GPC5: variants seen among roughly 807,000 people sequenced by gnomAD.
The protein encoded by GPC5 is glypican-5.
Under a neutral mutation model 53.9 loss-of-function variants are expected in GPC5, and 47 were observed. The ratio of observed to expected loss-of-function variants is 0.87; its 90% CI spans 0.69 to 1.11. The LOEUF is 1.11. Among genes scored for constraint, GPC5 ranks in the 50% most tolerant of loss-of-function variants. The probability of loss-of-function intolerance (pLI) is 0.00; values close to 1 mark genes in which losing one functional copy is unlikely to be tolerated. For synonymous variants in GPC5, 286 were observed against 263.3 expected, an observed-to-expected ratio of 1.09 and a Z score of -0.84; for missense variants, 748 against 713.1, an observed-to-expected ratio of 1.05 and a Z score of -0.56.
chr13:91,540,319 A>T (rs1174120947), intron 2 of GPC5, among the ~76,000 whole-genome samples: 2 of 152,218 alleles, frequency 1.3e-5, no homozygotes, highest in African/African-American at 4.8e-5. Context: ...CTGCCTCAAG[A>T]TCACTCTGGC....
intron 6 of GPC5, among the ~76,000 whole-genome samples, chr13:92,014,777 G>A (rs2040692616): frequency 6.6e-6 from 1 of 152,004 alleles, no homozygotes; most frequent in African/African-American, 2.4e-5. Context: ...TTCTTTTCCT[G>A]AGGTCATCTA....
intron 5 of GPC5, among the ~76,000 whole-genome samples, chr13:91,830,130 A>C (rs2038632975): frequency 6.6e-6 from 1 of 152,010 alleles, no homozygotes; most frequent in Non-Finnish European, 1.5e-5. Flanking sequence ...ACCATAAAAG[A>C]CAGCCACGCC....
intron 2 of GPC5, among the ~76,000 whole-genome samples, chr13:91,514,972 A>G (rs191253637): frequency 6.6e-6 from 1 of 152,342 alleles, no homozygotes; most frequent in Non-Finnish European, 1.5e-5. Flanking sequence ...AGCCTCATGG[A>G]ATCATTTACA....
At chr13:91,825,440 G>A (rs1253575064) in intron 5 of GPC5, among the ~76,000 whole-genome samples, 8 of 152,190 alleles carry the variant, frequency 5.3e-5, no homozygotes, top group East Asian at 3.9e-4. Flanking sequence ...TGAGCTGTCC[G>A]TTTTTATAGA....
intron 2 of GPC5, among the ~76,000 whole-genome samples, chr13:91,667,206 C>T (rs555477906): frequency 2.0e-5 from 3 of 152,182 alleles, no homozygotes; most frequent in South Asian, 4.1e-4. Flanking sequence ...CTTACTCCTT[C>T]GAATAAATAT....
chr13:91,474,877 A>T (rs655169), intron 2 of GPC5, among the ~76,000 whole-genome samples: 74,870 of 151,994 alleles, frequency 0.49, 19,636 homozygotes, highest in Non-Finnish European at 0.6. Context: ...TTGGATATTT[A>T]CTATGGGTGA....
At chr13:91,863,852 T>G (rs2039056659) in intron 5 of GPC5, among the ~76,000 whole-genome samples, 2 of 152,166 alleles carry the variant, frequency 1.3e-5, no homozygotes, top group Non-Finnish European at 2.9e-5. Context: ...GAAAAAGATT[T>G]CATCATTAGA....
chr13:91,834,958 CAACCTACAGAATGGTAG>C lies in GPC5; in HGVS notation c.1281-72976_1281-72960del, dbSNP rs546589145. Among the ~76,000 whole-genome samples, 766 of 152,254 alleles carry C rather than the reference CAACCTACAGAATGGTAG, an allele frequency of 5.0e-3. 6 individuals carry two copies. Among genetic ancestry groups the C allele is most frequent in the African/African-American group, 0.017 (727 of 41,558 alleles). ...AGAAACTTTCATCAGAGTGAACAGG[CAACCTACAGAATGGTAG>C]AAAATTTTTGCAATCTATCCATCTG... On this transcript the variant is annotated intron_variant, in intron 5 of 7. Coordinates refer to ENST00000377067, the MANE Select transcript of GPC5 (RefSeq NM_004466.6).
intron 7 of GPC5, among the ~76,000 whole-genome samples, chr13:92,327,206 G>A (rs1455659618): frequency 2.0e-5 from 3 of 152,108 alleles, no homozygotes; most frequent in Non-Finnish European, 4.4e-5. Context: ...GCTCCCAACT[G>A]ATAGCAAAGA....
chr13:91,906,437 T>C (rs1201900463), intron 5 of GPC5, among the ~76,000 whole-genome samples: 1 of 152,132 alleles, frequency 6.6e-6, no homozygotes, highest in East Asian at 1.9e-4. Flanking sequence ...TTCCAGCTAC[T>C]TTCATAATGT....
chr13:92,227,408 C>T (rs535555162), intron 7 of GPC5, among the ~76,000 whole-genome samples: 5 of 152,232 alleles, frequency 3.3e-5, no homozygotes, highest in Admixed American at 2.0e-4. Context: ...CATGGTATTT[C>T]GCAGAAGGAA....
At chr13:92,643,260 T>C (rs1211260038) in intron 7 of GPC5, among the ~76,000 whole-genome samples, 1 of 152,154 alleles carries the variant, frequency 6.6e-6, no homozygotes, top group African/African-American at 2.4e-5. Flanking sequence ...TGTCTTTTGT[T>C]GCCATTGCTT....
chr13:92,337,650 C>A (rs2043334142), intron 7 of GPC5, among the ~76,000 whole-genome samples: 1 of 152,020 alleles, frequency 6.6e-6, no homozygotes, highest in Admixed American at 6.6e-5. Context: ...AGAAATTGAC[C>A]CACATGAATA....
intron 7 of GPC5, among the ~76,000 whole-genome samples, chr13:92,224,093 G>A (rs1192915429): frequency 6.6e-6 from 1 of 152,064 alleles, no homozygotes; most frequent in East Asian, 1.9e-4. Flanking sequence ...ATGCATAAAT[G>A]AAAGATTATG....
At chr13:91,653,186 A>C (rs11842511) in intron 2 of GPC5, among the ~76,000 whole-genome samples, 1 of 152,220 alleles carries the variant, frequency 6.6e-6, no homozygotes, top group South Asian at 2.1e-4. Flanking sequence ...ACGTTCCTGT[A>C]AAAACCTTTC....
chr13:91,774,224 T>C (rs2037672364), intron 5 of GPC5, among the ~76,000 whole-genome samples: 1 of 152,208 alleles, frequency 6.6e-6, no homozygotes, highest in South Asian at 2.1e-4. Flanking sequence ...ATATCAAGAC[T>C]CTGTCTCTTG....
chr13:92,121,176 C>T (rs904797959), intron 6 of GPC5, among the ~76,000 whole-genome samples: 5 of 152,194 alleles, frequency 3.3e-5, no homozygotes, highest in Non-Finnish European at 5.9e-5. Flanking sequence ...CAGTTCCACT[C>T]TTCAGAATCC....
chr13:92,149,935 T>C (rs1361220822), intron 7 of GPC5, among the ~76,000 whole-genome samples: 1 of 151,996 alleles, frequency 6.6e-6, no homozygotes, highest in Admixed American at 6.6e-5. Flanking sequence ...AATGCCATTA[T>C]ACTATATGAT....
At chr13:92,052,843 G>A (rs2138840891) in intron 6 of GPC5, among the ~76,000 whole-genome samples, 1 of 152,250 alleles carries the variant, frequency 6.6e-6, no homozygotes, top group East Asian at 1.9e-4. Flanking sequence ...AAGGGACACA[G>A]ATGGCTCTAC....
Sources: gnomAD v4.1 joint callset for allele counts (sites outside exome capture counted in the v4.1 genomes callset) on GRCh38, gnomAD v4.1.1 for gene constraint, MANE v1.5 for transcripts, NCBI Gene and HGNC (gene_info 2026-07-23, HGNC 2026-07-21) for gene names.